The following RUFY2 variants were observed in gnomAD, a reference collection of about 807,000 sequenced individuals.
The protein encoded by RUFY2 is RUN and FYVE domain containing 2.
Under a neutral mutation model 94.4 loss-of-function variants are expected in RUFY2, and 49 were observed. The ratio of observed to expected loss-of-function variants is 0.52; its 90% CI spans 0.41 to 0.66. The LOEUF (loss-of-function observed/expected upper bound fraction) is 0.66, where lower values mean the gene tolerates loss of function less well. Among genes scored for constraint, RUFY2 ranks in the 30% least tolerant of loss-of-function variants. RUFY2 has a pLI of 0.00. For missense variants in RUFY2, 541 were observed against 692.8 expected (o/e 0.78, Z 2.46); for synonymous variants, 255 against 235.7 (o/e 1.08, Z -0.75).
intron 15 of RUFY2, among the ~76,000 whole-genome samples, chr10:68,361,146 C>T (rs183692936): frequency 4.4e-4 from 66 of 151,274 alleles, no homozygotes; most frequent in Non-Finnish European, 6.6e-4. Flanking sequence ...TGGTGGTGGG[C>T]GCCAGTAATC....
downstream of RUFY2, chr10:68,342,848 A>T (rs1260244444): frequency 6.6e-6 from 1 of 152,514 alleles, no homozygotes; most frequent in East Asian, 1.9e-4. Flanking sequence ...TTTACTATGG[A>T]GTATAATTCT....
intron 14 of RUFY2, 101 bp downstream of exon 14, chr10:68,363,883 T>C (rs762624027): frequency 7.4e-6 from 7 of 945,024 alleles, no homozygotes; most frequent in Non-Finnish European, 1.1e-5. Context: ...TTAAGATGAC[T>C]AGTATATCCA....
rs557028519 is a variant in RUFY2 at position 68,384,066 on chromosome 10, T to G, written c.807A>C (p.Thr269=). 114 of 1,613,050 alleles carry G rather than the reference T, an allele frequency of 7.1e-5. No individual in the cohort carries two copies. In the South Asian group the frequency reaches 1.2e-3, roughly 16 times the overall value. The part of the protein sequence containing the change: ...RSENKLILMK[T]QQHLEVTKVD... ...CTATACTTACCTCTAGGTGCTGCTGTGTTTTCATTAAAATCAATTTATTTT... is the reference window on the plus strand; with the variant it reads ...CTATACTTACCTCTAGGTGCTGCTGGGTTTTCATTAAAATCAATTTATTTT... The change falls in exon 9 of 18, where the codon ACA becomes ACC. Residue 269 remains threonine, a synonymous_variant. Transcript: ENST00000602465.
At chr10:68,357,164 A>G (rs2047114932) in intron 15 of RUFY2, among the ~76,000 whole-genome samples, 1 of 152,010 alleles carries the variant, frequency 6.6e-6, no homozygotes, top group Admixed American at 6.6e-5. Context: ...ACTCCATCTC[A>G]AAAAACAAGA....
At chr10:68,397,155 G>A (rs185336568) in intron 3 of RUFY2, among the ~76,000 whole-genome samples, 128 of 152,236 alleles carry the variant, frequency 8.4e-4, no homozygotes, top group Admixed American at 2.4e-3. Flanking sequence ...AGAAAAATGC[G>A]TTGTTAGGTA....
chr10:68,352,928 AAG>A (rs1030454772), intron 16 of RUFY2, among the ~76,000 whole-genome samples: 2 of 151,880 alleles, frequency 1.3e-5, no homozygotes, highest in African/African-American at 2.4e-5. Context: ...TCAAAAAAAA[AAG>A]AGGGGGCAAT....
At chr10:68,376,457 T>C (rs2048660418) in intron 13 of RUFY2, among the ~76,000 whole-genome samples, 1 of 25,840 alleles carries the variant, frequency 3.9e-5, no homozygotes, top group Admixed American at 3.5e-4. Flanking sequence ...TATATATATA[T>C]ATATATATAT....
At chr10:68,343,092 T>G (rs1448399314), downstream of RUFY2, 1 of 152,198 alleles carries the variant, frequency 6.6e-6, no homozygotes, top group Non-Finnish European at 1.5e-5. Flanking sequence ...CCAAATTGGC[T>G]AATGGATCAA....
In RUFY2 at chr10:68,394,064, G is replaced by A. The variant is rs779709784; in HGVS notation, c.584+11C>T. 2.4e-5 allele frequency: 36 copies of A among 1,500,570 alleles called. No individual in the cohort carries two copies. The highest frequency in any genetic ancestry group is 3.1e-5 in the Non-Finnish European group (35 of 1,116,746). The allele number at this position is 1,500,570 out of a possible 1,614,324, so 93.0% of individuals were successfully genotyped here. ...AAACCCAATATGTGAAATAACTTAT[G>A]AAAATCATACCTTTCTTTATTTCCA... On this transcript the variant is annotated intron_variant, in intron 6 of 17. Coordinates refer to ENST00000602465, the MANE Select transcript of RUFY2 (RefSeq NM_001330103.2).
intron 13 of RUFY2, among the ~76,000 whole-genome samples, chr10:68,374,884 C>T (rs1156977655): frequency 6.6e-6 from 1 of 152,070 alleles, no homozygotes; most frequent in African/African-American, 2.4e-5. Flanking sequence ...CCTCAACCTG[C>T]CAGCATTCAC....
At chr10:68,356,489 G>C (rs745553198) in intron 15 of RUFY2, among the ~76,000 whole-genome samples, 59 of 152,090 alleles carry the variant, frequency 3.9e-4, no homozygotes, top group Non-Finnish European at 7.8e-4. Context: ...CTGGGTGACA[G>C]CGAGATGCCG....
At chr10:68,375,913 C>T (rs1190456457) in intron 13 of RUFY2, among the ~76,000 whole-genome samples, 4 of 151,262 alleles carry the variant, frequency 2.6e-5, no homozygotes, top group Middle Eastern at 3.5e-3. Context: ...GCCTGGCCAA[C>T]GTCATGAAAC....
intron 13 of RUFY2, among the ~76,000 whole-genome samples, chr10:68,367,573 T>C (rs2047934541): frequency 1.3e-5 from 2 of 152,162 alleles, no homozygotes. Context: ...TTTTGCTTCA[T>C]CTTGCCGAGC....
chr10:68,378,647 G>GT, intron 12 of RUFY2: 2 of 1,612,598 alleles, frequency 1.2e-6, no homozygotes, highest in Non-Finnish European at 1.7e-6. Flanking sequence ...AATTGTCCTA[G>GT]TTTGAGTTAA....
At chr10:68,405,708 T>C (rs1267510001) in intron 1 of RUFY2, 9 of 983,480 alleles carry the variant, frequency 9.2e-6, no homozygotes, top group Non-Finnish European at 1.1e-5. Context: ...TTCTTTCGTC[T>C]ACCCTCTTTC....
intron 16 of RUFY2, among the ~76,000 whole-genome samples, chr10:68,349,561 C>CA (rs1209228618): frequency 6.6e-6 from 1 of 151,674 alleles, no homozygotes; most frequent in East Asian, 1.9e-4. Flanking sequence ...TTTTTTGAGA[C>CA]AGAGTCTCGC....
intron 1 of RUFY2, among the ~76,000 whole-genome samples, 161 bp from the exon 2 acceptor site, chr10:68,405,005 T>G (rs943817415): frequency 6.6e-6 from 1 of 152,114 alleles, no homozygotes. Context: ...TCTCTTTACA[T>G]CTCTCACATA....
At chr10:68,395,010 TGA>T (rs767337452) in intron 4 of RUFY2, among the ~76,000 whole-genome samples, 10 of 151,792 alleles carry the variant, frequency 6.6e-5, no homozygotes, top group Non-Finnish European at 1.0e-4. Flanking sequence ...AAATTTTTTT[TGA>T]GAGAGAGAAA....
At chr10:68,391,295 AAT>A (rs2049965744) in intron 7 of RUFY2, among the ~76,000 whole-genome samples, 1 of 152,004 alleles carries the variant, frequency 6.6e-6, no homozygotes, top group African/African-American at 2.4e-5. Flanking sequence ...GGTAAAATAA[AAT>A]ATATTTTTAA....
Sources: gnomAD v4.1 joint callset for allele counts (sites outside exome capture counted in the v4.1 genomes callset) on GRCh38, gnomAD v4.1.1 for gene constraint, MANE v1.5 for transcripts, NCBI Gene and HGNC (gene_info 2026-07-23, HGNC 2026-07-21) for gene names.